The following UST variants were observed in gnomAD, a reference collection of about 807,000 sequenced individuals.
UST encodes the protein uronyl 2-sulfotransferase.
In UST, 21 loss-of-function variants were observed where a neutral mutation model predicts 45.6. The observed-to-expected ratio is 0.46, with a 90% CI of 0.33 to 0.66. UST has a LOEUF of 0.66. UST is among the 30% of genes least tolerant of loss of function. The pLI, the probability that UST is intolerant of heterozygous loss-of-function variation, is 0.02. For synonymous variants in UST, 215 were observed against 200.6 expected, an observed-to-expected ratio of 1.07 and a Z score of -0.61; for missense variants, 463 against 512.4, an observed-to-expected ratio of 0.90 and a Z score of 0.93.
intron 1 of UST, among the ~76,000 whole-genome samples, chr6:148,875,163 T>C (rs1778624023): frequency 6.6e-6 from 1 of 152,238 alleles, no homozygotes; most frequent in Non-Finnish European, 1.5e-5. Context: ...TCTTTGACAT[T>C]GACAGTAATG....
intron 2 of UST, among the ~76,000 whole-genome samples, chr6:148,897,305 T>C (rs1398113013): frequency 6.6e-6 from 1 of 151,800 alleles, no homozygotes; most frequent in East Asian, 1.9e-4. Context: ...GTAGCTGGGA[T>C]TACAGGTGTG....
intron 2 of UST, among the ~76,000 whole-genome samples, chr6:148,933,259 A>G (rs1276375830): frequency 1.3e-5 from 2 of 152,222 alleles, no homozygotes; most frequent in Non-Finnish European, 2.9e-5. Context: ...TACAGCACTT[A>G]CTATAATCGT....
At chr6:149,015,562 C>T (rs1366449720) in intron 5 of UST, among the ~76,000 whole-genome samples, 2 of 151,992 alleles carry the variant, frequency 1.3e-5, no homozygotes, top group Admixed American at 1.3e-4. Flanking sequence ...GCTGGCTTGG[C>T]TAAAGTCATC....
At chr6:148,809,067 T>C (rs1256231167) in intron 1 of UST, among the ~76,000 whole-genome samples, 1 of 152,236 alleles carries the variant, frequency 6.6e-6, no homozygotes. Flanking sequence ...ATCATCACCT[T>C]GTACTCGAGC....
intron 1 of UST, among the ~76,000 whole-genome samples, chr6:148,764,211 T>C (rs1027564018): frequency 1.3e-5 from 2 of 152,184 alleles, no homozygotes; most frequent in Non-Finnish European, 2.9e-5. Context: ...TTTCACCTCC[T>C]TGGTTAAATG....
chr6:149,019,312 G>C (rs1775948407), intron 6 of UST, 76 bp downstream of exon 6: 19 of 1,134,708 alleles, frequency 1.7e-5, no homozygotes, highest in Non-Finnish European at 2.5e-5. Context: ...GGTACTCGGT[G>C]GGAATCTTTT....
intron 3 of UST, among the ~76,000 whole-genome samples, chr6:148,945,894 G>A (rs897251544): frequency 6.6e-6 from 1 of 152,096 alleles, no homozygotes; most frequent in Non-Finnish European, 1.5e-5. Context: ...CACTATAAAC[G>A]TAACATCTGT....
At chr6:148,841,123 AG>A (rs1562273933) in intron 1 of UST, among the ~76,000 whole-genome samples, 1 of 152,080 alleles carries the variant, frequency 6.6e-6, no homozygotes, top group Non-Finnish European at 1.5e-5. Context: ...TTAAAAAAAA[AG>A]ACTAGTAAGA....
Position 148,747,563 on chromosome 6 carries a change from C to T in UST, c.133C>T (p.Leu45Phe). The T allele has an allele frequency of 6.3e-7, 1 of 1,580,690 alleles. No homozygotes were observed. Among genetic ancestry groups the T allele is most frequent in the South Asian group, 1.2e-5 (1 of 85,998 alleles). ...VPLLPFLRFS[L>F]RDYGFCMATL... ...CCTGCTGCCTTTCCTGCGCTTCTCC[C>T]TCCGGGACTACGGCTTCTGCATGGC... is the stretch of plus-strand genomic sequence containing the variant. Residue 45 changes from leucine (L) to phenylalanine (F), a missense_variant, in exon 1 of 8, where the codon CTC (leucine) becomes TTC (phenylalanine). By Grantham distance (22) the Leu-to-Phe change is conservative. Around this residue, in one of 2 missense-constraint regions of UST, gnomAD observed 176 missense variants for 138.3 expected, o/e 1.27. Transcript: ENST00000367463.
At chr6:149,068,532 G>T (rs188281067) in intron 7 of UST, among the ~76,000 whole-genome samples, 1 of 152,252 alleles carries the variant, frequency 6.6e-6, no homozygotes, top group South Asian at 2.1e-4. Context: ...TCACCATCTC[G>T]CACCATATCA....
At chr6:149,046,683 C>T (rs1457832547) in intron 7 of UST, among the ~76,000 whole-genome samples, 2 of 152,174 alleles carry the variant, frequency 1.3e-5, no homozygotes, top group East Asian at 1.9e-4. Context: ...ATAATGTGCC[C>T]GTGCACCGAT....
At chr6:148,833,967 G>A (rs1055757873) in intron 1 of UST, among the ~76,000 whole-genome samples, 1 of 152,150 alleles carries the variant, frequency 6.6e-6, no homozygotes, top group African/African-American at 2.4e-5. Flanking sequence ...TTTTGACAGA[G>A]GTAGTTGCTG....
chr6:149,005,928 G>C (rs1775676628), intron 5 of UST, among the ~76,000 whole-genome samples: 1 of 152,154 alleles, frequency 6.6e-6, no homozygotes, highest in African/African-American at 2.4e-5. Flanking sequence ...TGAAGAGGGA[G>C]CAGTGCAGAC....
intron 1 of UST, among the ~76,000 whole-genome samples, chr6:148,883,329 G>C (rs935214761): frequency 1.3e-5 from 2 of 152,246 alleles, no homozygotes; most frequent in African/African-American, 4.8e-5. Context: ...GATGCCGTTA[G>C]ACATCCAAGC....
intron 1 of UST, among the ~76,000 whole-genome samples, chr6:148,774,291 A>ATATATAT (rs1562563682): frequency 6.8e-6 from 1 of 146,176 alleles, no homozygotes; most frequent in African/African-American, 2.5e-5. Flanking sequence ...TATATATATA[A>ATATATAT]AAATATAATG....
Position 148,901,302 on chromosome 6 carries a change from A to G in UST, c.291+14273A>G, listed in dbSNP as rs116133070. On this transcript the variant is annotated intron_variant, in intron 2 of 7. Transcript: ENST00000367463. ...ATATGGAATTCCAGATTGGAAATCC[A>G]TATTAATCAAGATAGGTTAGGGTGA... 5.3e-3 allele frequency among the ~76,000 whole-genome samples: 812 copies of G among 152,350 alleles called. 5 individuals carry two copies. Among genetic ancestry groups the G allele is most frequent in the African/African-American group, 0.018 (769 of 41,572 alleles).
intron 1 of UST, among the ~76,000 whole-genome samples, chr6:148,771,591 G>T (rs1562562860): frequency 1.3e-5 from 2 of 152,142 alleles, no homozygotes; most frequent in Admixed American, 6.5e-5. Context: ...AGATGGAGTG[G>T]GTAGGTGGAT....
chr6:148,931,668 TG>T (rs1246912842), intron 2 of UST, among the ~76,000 whole-genome samples: 1 of 152,246 alleles, frequency 6.6e-6, no homozygotes, highest in East Asian at 1.9e-4. Context: ...GCTACAAGTC[TG>T]ATGTGACTGC....
chr6:148,964,341 ATGT>A, intron 4 of UST, 66 bp from the exon 5 acceptor site: 1 of 1,572,250 alleles, frequency 6.4e-7, no homozygotes, highest in Non-Finnish European at 8.7e-7. Context: ...GGAAGGGGAG[ATGT>A]TGTCTAAGTA....
Sources: allele counts gnomAD v4.1 joint callset (sites outside exome capture counted in the v4.1 genomes callset), GRCh38; gene constraint gnomAD v4.1.1; regional missense constraint gnomAD v4.1.1; transcripts MANE v1.5; gene names NCBI Gene and HGNC (gene_info 2026-07-23, HGNC 2026-07-21).